Variants in WDR59 observed in about 807,000 individuals in gnomAD.
WDR59 encodes WD repeat domain 59.
In WDR59, 100 loss-of-function variants were observed where a neutral mutation model predicts 131.2. The observed-to-expected ratio is 0.76, with a 90% confidence interval of 0.65 to 0.90. WDR59 has a LOEUF of 0.90. Among genes scored for constraint, WDR59 ranks in the 40% least tolerant of loss-of-function variants. The probability of loss-of-function intolerance (pLI) is 0.00; values close to 1 mark genes in which losing one functional copy is unlikely to be tolerated. For missense variants in WDR59, 1,203 were observed against 1,262.2 expected, an observed-to-expected ratio of 0.95 and a Z score of 0.71; for synonymous variants, 601 against 466.2, an observed-to-expected ratio of 1.29 and a Z score of -3.72.
intron 23 of WDR59, among the ~76,000 whole-genome samples, chr16:74,886,951 C>T (rs1964798806): frequency 6.6e-6 from 1 of 151,954 alleles, no homozygotes; most frequent in Non-Finnish European, 1.5e-5. Context: ...ATAAATAAAG[C>T]AAATGATGGC....
intron 1 of WDR59, chr16:74,979,225 G>T (rs574696675): frequency 3.4e-5 from 1 of 29,552 alleles, no homozygotes; most frequent in Non-Finnish European, 8.3e-5. Flanking sequence ...AGCATTTTGG[G>T]AGGCCAAGGC....
At chr16:74,918,160 C>T (rs1462842328) in intron 10 of WDR59, 152 bp from the exon 11 acceptor site, 6 of 671,460 alleles carry the variant, frequency 8.9e-6, no homozygotes, top group East Asian at 2.7e-5. Flanking sequence ...ACCAGGACTA[C>T]AGCATGAATA....
chr16:74,951,863 G>A (rs1028551760), intron 3 of WDR59, among the ~76,000 whole-genome samples: 2 of 152,038 alleles, frequency 1.3e-5, no homozygotes, highest in Non-Finnish European at 2.9e-5. Context: ...AAAATGTCCC[G>A]GCCACTAGAG....
At chr16:74,938,328 TAA>T in intron 7 of WDR59, 62 bp from the exon 8 acceptor site, 2 of 1,191,106 alleles carry the variant, frequency 1.7e-6, no homozygotes, top group Non-Finnish European at 2.3e-6. Context: ...GTCTATCACG[TAA>T]AAGTCTGCTA....
rs1279244844 is a variant in WDR59, at chr16:74,873,170, A to G, written c.*1039T>C. 6.6e-6 allele frequency: 1 copy of G among 152,000 alleles called. No homozygotes were observed. 9.4% of individuals were successfully genotyped at this position (152,000 alleles called of 1,614,324 possible). A position where few individuals can be genotyped will look rare whatever the true frequency, so the allele number is the denominator to read the frequency against. On this transcript the variant is annotated 3_prime_UTR_variant, in exon 26 of 26. Transcript: ENST00000262144. Reference sequence around the variant, plus strand: ...GGTAATCCTCCCACCTCAGCCTCCCAAAGTGCTGGGATTACAGGCATGAGC... The same window carrying G: ...GGTAATCCTCCCACCTCAGCCTCCCGAAGTGCTGGGATTACAGGCATGAGC...
chr16:74,975,664 CAA>C (rs529100248), intron 1 of WDR59, among the ~76,000 whole-genome samples: 3 of 94,412 alleles, frequency 3.2e-5, no homozygotes. Flanking sequence ...AACTCCGTCT[CAA>C]AAAAAAAAAA....
At position 74,970,849 on chromosome 16, in the gene WDR59, T is replaced by G. The variant is rs7185716; in HGVS notation, c.55-5027A>C. Reference sequence around the variant, plus strand: ...GGAGGATTGCTTGGAGCCCAGGAGTTCGAGACCAGCCTGGACAACATGATT... The same window carrying G: ...GGAGGATTGCTTGGAGCCCAGGAGTGCGAGACCAGCCTGGACAACATGATT... On this transcript the variant is annotated intron_variant, in intron 1 of 25. Coordinates refer to ENST00000262144, the MANE Select transcript of WDR59 (RefSeq NM_030581.4). Among the ~76,000 whole-genome samples, 731 of 151,626 alleles carry G rather than the reference T, an allele frequency of 4.8e-3. 4 individuals carry two copies. Among genetic ancestry groups the G allele is most frequent in the African/African-American group, 0.017 (686 of 41,286 alleles).
intron 25 of WDR59, among the ~76,000 whole-genome samples, chr16:74,876,038 C>T (rs539862879): frequency 1.1e-4 from 16 of 152,238 alleles, no homozygotes; most frequent in African/African-American, 2.9e-4. Flanking sequence ...CACTTCCCTT[C>T]GTCGTTACAC....
At chr16:74,984,825 A>G (rs966494781) in intron 1 of WDR59, 139 bp downstream of exon 1, 10 of 1,235,506 alleles carry the variant, frequency 8.1e-6, no homozygotes. Context: ...GGGGCCTAAG[A>G]GGTCGGCTAA....
Position 74,888,307 on chromosome 16 carries a change from A to T in WDR59, c.2208T>A (p.Tyr736Ter). 2 of 1,612,842 alleles carry T rather than the reference A, an allele frequency of 1.2e-6. No individual in the cohort carries two copies. The highest frequency in any genetic ancestry group is 1.7e-6 in the Non-Finnish European group (2 of 1,179,544). The change falls in exon 22 of 26, where the codon TAT becomes TAA. Residue 736 changes from tyrosine (Y) to a stop codon, truncating the protein, a stop_gained. Transcript: ENST00000262144. LOFTEE classifies it high-confidence loss of function. The stretch of plus-strand genomic sequence containing the variant: ...GTGTCTGAACATCCCGGAGCCGGCA[A>T]TAGTGAGCCAACCTGAGGAAAAGAT... The part of the protein sequence containing the change: ...RQLLESLLAH[Y>*]CRLRDVQTLA...
At chr16:74,903,740 A>G (rs910994642) in intron 18 of WDR59, among the ~76,000 whole-genome samples, 2 of 152,154 alleles carry the variant, frequency 1.3e-5, no homozygotes, top group African/African-American at 4.8e-5. Context: ...ACGGACCATA[A>G]GAACGGCCCC....
chr16:74,972,310 T>C (rs760899777), intron 1 of WDR59, among the ~76,000 whole-genome samples: 10 of 152,192 alleles, frequency 6.6e-5, no homozygotes, highest in Non-Finnish European at 1.2e-4. Flanking sequence ...ATCAATTCCA[T>C]GAGACTCTAT....
At chr16:74,898,915 T>C (rs1322591980) in intron 18 of WDR59, among the ~76,000 whole-genome samples, 1 of 152,216 alleles carries the variant, frequency 6.6e-6, no homozygotes, top group Admixed American at 6.5e-5. Context: ...GCAGTGGTAC[T>C]TGCTAATCGG....
At chr16:74,906,527 G>T (rs370662969) in intron 17 of WDR59, among the ~76,000 whole-genome samples, 20 of 152,062 alleles carry the variant, frequency 1.3e-4, no homozygotes, top group African/African-American at 4.8e-4. Context: ...GAGGAATTCT[G>T]CTCCTCAGGT....
At chr16:74,980,908 C>T (rs1257183015) in intron 1 of WDR59, among the ~76,000 whole-genome samples, 4 of 151,176 alleles carry the variant, frequency 2.6e-5, no homozygotes, top group East Asian at 2.0e-4. Flanking sequence ...GAGGTGACAG[C>T]GAGCTGAGAT....
chr16:74,927,564 G>C (rs1002765521), intron 8 of WDR59, among the ~76,000 whole-genome samples: 8 of 143,818 alleles, frequency 5.6e-5, no homozygotes, highest in African/African-American at 2.0e-4. Flanking sequence ...CTCCAGCCTG[G>C]GCAATAGAGC....
At chr16:74,878,124 C>T (rs1597620688) in intron 25 of WDR59, among the ~76,000 whole-genome samples, 1 of 152,172 alleles carries the variant, frequency 6.6e-6, no homozygotes, top group Non-Finnish European at 1.5e-5. Flanking sequence ...ATTCTCTATA[C>T]TTTTAATTGG....
chr16:74,915,382 A>C (rs1966317102), intron 13 of WDR59: 1 of 152,548 alleles, frequency 6.6e-6, no homozygotes, highest in East Asian at 1.9e-4. Flanking sequence ...GGTAGAAAGA[A>C]AGTCTGCATC....
At chr16:74,937,224 A>G (rs16950514) in intron 8 of WDR59, among the ~76,000 whole-genome samples, 3,755 of 152,302 alleles carry the variant, frequency 0.025, 161 homozygotes, top group African/African-American at 0.085. Context: ...GTACCTTGTG[A>G]TAAACCAGAA....
Sources: allele counts gnomAD v4.1 joint callset (sites outside exome capture counted in the v4.1 genomes callset), GRCh38; gene constraint gnomAD v4.1.1; transcripts MANE v1.5; gene names NCBI Gene and HGNC (gene_info 2026-07-23, HGNC 2026-07-21).